The following OPHN1 variants were observed in gnomAD, a reference collection of about 807,000 sequenced individuals.
OPHN1 encodes oligophrenin 1.
OPHN1 carries 11 observed loss-of-function variants against 60.7 expected under a neutral mutation model. That is an observed-to-expected ratio of 0.18 (90% confidence interval 0.11 to 0.30). The LOEUF (loss-of-function observed/expected upper bound fraction) is 0.30, where lower values mean the gene tolerates loss of function less well. Among genes scored for constraint, OPHN1 ranks in the 10% least tolerant of loss-of-function variants. The pLI is 1.00. For missense variants in OPHN1, 449 were observed against 611.0 expected (o/e 0.73, Z 2.80); for synonymous variants, 226 against 222.6 (o/e 1.02, Z -0.14).
intron 6 of OPHN1, among the ~76,000 whole-genome samples, chrX:68,220,370 T>C (rs1342172942): frequency 3.6e-5 from 4 of 110,853 alleles, no homozygotes; most frequent in Non-Finnish European, 5.7e-5. Context: ...GAACTGGTAC[T>C]ATTCCTTCTG....
chrX:68,393,885 G>GTTTTTGTTTTTT (rs2078667155), intron 2 of OPHN1, among the ~76,000 whole-genome samples: 1 of 34,587 alleles, frequency 2.9e-5, no homozygotes, highest in Non-Finnish European at 4.9e-5. Flanking sequence ...AATAGACTTT[G>GTTTTTGTTTTTT]TTTTTTTTTT....
intron 3 of OPHN1, among the ~76,000 whole-genome samples, chrX:68,292,788 T>C (rs1056244845): frequency 2.7e-5 from 3 of 111,595 alleles, no homozygotes; most frequent in Non-Finnish European, 3.8e-5. Context: ...TTTTCTCTTT[T>C]CCTCAGGATC....
intron 2 of OPHN1, among the ~76,000 whole-genome samples, chrX:68,335,589 T>C (rs2078318293): frequency 8.9e-6 from 1 of 111,965 alleles, no homozygotes. Flanking sequence ...GAGAGCTACA[T>C]GAGACCTTGG....
chrX:68,253,723 A>G (rs755089345), intron 5 of OPHN1, among the ~76,000 whole-genome samples: 37 of 112,518 alleles, frequency 3.3e-4, no homozygotes, highest in Non-Finnish European at 6.7e-4. Flanking sequence ...AAGTGCCTGT[A>G]GAAGCTAAAG....
intron 15 of OPHN1, among the ~76,000 whole-genome samples, chrX:68,174,432 C>T (rs1384908096): frequency 9.3e-6 from 1 of 108,015 alleles, no homozygotes; most frequent in East Asian, 2.9e-4. Context: ...GAATTTAAGG[C>T]CAGTCTTCCC....
intron 4 of OPHN1, among the ~76,000 whole-genome samples, chrX:68,278,662 G>C (rs2078003715): frequency 8.8e-6 from 1 of 113,168 alleles, no homozygotes; most frequent in African/African-American, 3.2e-5. Context: ...AAGGCGGGTG[G>C]ATCAGCTGAG....
intron 2 of OPHN1, among the ~76,000 whole-genome samples, chrX:68,326,966 G>C (rs1208220734): frequency 3.2e-5 from 1 of 31,680 alleles, no homozygotes; most frequent in African/African-American, 8.1e-4. Context: ...GCCTCTGCCC[G>C]GCCGCCCCTA....
At chrX:68,197,053 A>G (rs2077515801) in intron 12 of OPHN1, 133 bp downstream of exon 12, 1 of 523,940 alleles carries the variant, frequency 1.9e-6, no homozygotes, top group Non-Finnish European at 3.3e-6. Flanking sequence ...ATGTGGAAAC[A>G]ATTCCTTACA....
intron 15 of OPHN1, among the ~76,000 whole-genome samples, chrX:68,153,175 C>T (rs183561414): frequency 2.8e-3 from 284 of 101,224 alleles, no homozygotes; most frequent in African/African-American, 0.01. Context: ...CACGCCACTG[C>T]ACTCCAGCCT....
intron 19 of OPHN1, among the ~76,000 whole-genome samples, chrX:68,088,106 C>T (rs749358604): frequency 1.1e-3 from 124 of 111,192 alleles, no homozygotes; most frequent in Non-Finnish European, 1.4e-3. Flanking sequence ...ATGGGAAAAT[C>T]GATGTCCAAA....
intron 6 of OPHN1, among the ~76,000 whole-genome samples, chrX:68,230,856 C>G (rs895070205): frequency 9.1e-6 from 1 of 109,414 alleles, no homozygotes; most frequent in Non-Finnish European, 1.9e-5. Context: ...TGGCACATGT[C>G]TACATATGTA....
chrX:68,145,286 T>C (rs1278239881), intron 15 of OPHN1, among the ~76,000 whole-genome samples: 1 of 111,920 alleles, frequency 8.9e-6, no homozygotes, highest in Non-Finnish European at 1.9e-5. Context: ...TTATCATTCA[T>C]ATCACCTATC....
chrX:68,263,338 G>A (rs2147570063), intron 5 of OPHN1, among the ~76,000 whole-genome samples: 1 of 111,504 alleles, frequency 9.0e-6, no homozygotes, highest in South Asian at 3.8e-4. Flanking sequence ...GTAGCCACTT[G>A]GGAAACACTC....
intron 2 of OPHN1, among the ~76,000 whole-genome samples, chrX:68,334,803 C>G (rs970243340): frequency 9.1e-6 from 1 of 109,434 alleles, no homozygotes; most frequent in African/African-American, 3.3e-5. Flanking sequence ...TGGTGAAACC[C>G]CATCTCTACA....
At chrX:68,099,730 C>T (rs143649243) in intron 18 of OPHN1, among the ~76,000 whole-genome samples, 2,679 of 112,345 alleles carry the variant, frequency 0.024, 32 homozygotes, top group South Asian at 0.038. Flanking sequence ...ATCCAGTGTG[C>T]TAACATCCTC....
intron 16 of OPHN1, among the ~76,000 whole-genome samples, chrX:68,114,462 T>C (rs2077118830): frequency 9.0e-6 from 1 of 110,640 alleles, no homozygotes; most frequent in South Asian, 3.9e-4. Context: ...CAAAAGATAA[T>C]AAAAGACAAA....
At chrX:68,294,864 A>C (rs1174433662) in intron 3 of OPHN1, among the ~76,000 whole-genome samples, 1 of 111,874 alleles carries the variant, frequency 8.9e-6, no homozygotes, top group East Asian at 2.8e-4. Context: ...GCTATTTGGG[A>C]GCACTCTAAA....
intron 16 of OPHN1, among the ~76,000 whole-genome samples, chrX:68,114,686 G>A (rs775070819): frequency 9.0e-6 from 1 of 111,046 alleles, no homozygotes; most frequent in Admixed American, 9.6e-5. Flanking sequence ...GACTGCTTCA[G>A]CCTGAGAGAG....
chrX:68,402,364 GAGA>G lies in OPHN1; in HGVS notation c.154+30500_154+30502del, dbSNP rs994120939. On this transcript the variant is annotated intron_variant, in intron 2 of 24. Coordinates refer to ENST00000355520, the MANE Select transcript of OPHN1 (RefSeq NM_002547.3). ...GAAGAAGAAGGAGGAGAAGGAGAAG[GAGA>G]AGAAGAAGAAGAAGAGAGAAAGAAG... Among the ~76,000 whole-genome samples, 421 of 94,981 alleles carry G rather than the reference GAGA, an allele frequency of 4.4e-3. 2 individuals are homozygous for G. Among genetic ancestry groups the G allele is most frequent in the African/African-American group, 0.013 (358 of 28,473 alleles). The allele number at this position is 94,981 out of a possible 115,157, so 82.5% of individuals were successfully genotyped here. A position where few individuals can be genotyped will look rare whatever the true frequency, so the allele number is the denominator to read the frequency against.
Sources: gnomAD v4.1 joint callset for allele counts (sites outside exome capture counted in the v4.1 genomes callset) on GRCh38, gnomAD v4.1.1 for gene constraint, MANE v1.5 for transcripts, NCBI Gene and HGNC (gene_info 2026-07-23, HGNC 2026-07-21) for gene names.